Variants in GRM8 observed in about 807,000 individuals in gnomAD.
GRM8 encodes glutamate metabotropic receptor 8, also known as metabotropic glutamate receptor 8.
Under a neutral mutation model 87.2 loss-of-function variants are expected in GRM8, and 47 were observed. The observed-to-expected ratio is 0.54, with a 90% CI of 0.43 to 0.69. The LOEUF is 0.69. Among genes scored for constraint, GRM8 ranks in the 30% least tolerant of loss-of-function variants. The probability of loss-of-function intolerance (pLI) is 0.00; values close to 1 mark genes in which losing one functional copy is unlikely to be tolerated. For synonymous variants in GRM8, 396 were observed against 404.5 expected (o/e 0.98, Z 0.25); for missense variants, 1,019 against 1,139.2 (o/e 0.89, Z 1.52).
At chr7:127,018,723 AC>A (rs1448508695) in intron 3 of GRM8, among the ~76,000 whole-genome samples, 1 of 151,946 alleles carries the variant, frequency 6.6e-6, no homozygotes, top group Non-Finnish European at 1.5e-5. Flanking sequence ...CAATGGTAAC[AC>A]AGCCCCTTTC....
chr7:126,603,995 TA>T (rs3216287), intron 8 of GRM8, among the ~76,000 whole-genome samples: 46,769 of 150,436 alleles, frequency 0.31, 8,092 homozygotes, highest in East Asian at 0.43. Flanking sequence ...ATTTTTGCAT[TA>T]AAAAAAAACA....
chr7:126,682,788 C>T (rs969143643), intron 7 of GRM8, among the ~76,000 whole-genome samples: 4 of 152,190 alleles, frequency 2.6e-5, no homozygotes, highest in South Asian at 4.1e-4. Flanking sequence ...CGGTGGCTCA[C>T]GCCTGTAATC....
intron 7 of GRM8, among the ~76,000 whole-genome samples, chr7:126,636,631 G>A (rs1229190882): frequency 1.3e-5 from 2 of 151,862 alleles, no homozygotes; most frequent in Non-Finnish European, 2.9e-5. Context: ...CCTTTTATCT[G>A]AAGGAAAAAC....
chr7:126,756,856 T>G (rs1444897186), intron 7 of GRM8, among the ~76,000 whole-genome samples: 1 of 152,058 alleles, frequency 6.6e-6, no homozygotes, highest in Non-Finnish European at 1.5e-5. Flanking sequence ...TCAATTTTGC[T>G]GTGAGATTAA....
intron 2 of GRM8, among the ~76,000 whole-genome samples, chr7:127,110,488 ATT>A (rs1042021182): frequency 6.6e-6 from 1 of 151,674 alleles, no homozygotes; most frequent in African/African-American, 2.4e-5. Context: ...TTCATTTCTT[ATT>A]TTCTTTGTGC....
chr7:127,236,675 A>G (rs1465789860), intron 2 of GRM8, among the ~76,000 whole-genome samples: 1 of 152,252 alleles, frequency 6.6e-6, no homozygotes, highest in Admixed American at 6.5e-5. Flanking sequence ...GTGGGGACAC[A>G]AAGCCTAAAC....
At chr7:126,550,052 A>T (rs1422259003) in intron 8 of GRM8, among the ~76,000 whole-genome samples, 2 of 152,056 alleles carry the variant, frequency 1.3e-5, no homozygotes, top group East Asian at 3.9e-4. Flanking sequence ...ATAAAAAAAA[A>T]ACTGTTAGAA....
intron 7 of GRM8, among the ~76,000 whole-genome samples, chr7:126,655,713 T>C (rs992037322): frequency 1.3e-5 from 2 of 152,226 alleles, no homozygotes; most frequent in Non-Finnish European, 2.9e-5. Context: ...ATTTATCAAA[T>C]AATGTCCAAA....
chr7:126,530,249 G>C (rs992937772), intron 9 of GRM8, among the ~76,000 whole-genome samples: 2 of 152,166 alleles, frequency 1.3e-5, no homozygotes, highest in Non-Finnish European at 2.9e-5. Flanking sequence ...ATTCTCTGAC[G>C]TTATTCTGAG....
At chr7:127,182,815 A>G (rs1306086872) in intron 2 of GRM8, among the ~76,000 whole-genome samples, 1 of 151,914 alleles carries the variant, frequency 6.6e-6, no homozygotes, top group East Asian at 1.9e-4. Flanking sequence ...CAAACACCAT[A>G]TGTTCTAACT....
intron 8 of GRM8, 145 bp from the exon 9 acceptor site, chr7:126,534,032 A>G (rs906931763): frequency 4.7e-6 from 3 of 635,522 alleles, no homozygotes; most frequent in Non-Finnish European, 8.1e-6. Flanking sequence ...TTTTCCCCTG[A>G]TATTGACTTT....
intron 7 of GRM8, among the ~76,000 whole-genome samples, chr7:126,644,628 G>A (rs909256888): frequency 1.3e-5 from 2 of 152,164 alleles, no homozygotes; most frequent in Admixed American, 1.3e-4. Context: ...TGTATATACA[G>A]TGCAAGTATT....
chr7:127,152,970 T>A (rs1158058654), intron 2 of GRM8, among the ~76,000 whole-genome samples: 2 of 152,162 alleles, frequency 1.3e-5, no homozygotes, highest in African/African-American at 4.8e-5. Context: ...AATCACAAAA[T>A]TCTTACAGCT....
intron 3 of GRM8, among the ~76,000 whole-genome samples, chr7:127,103,399 A>G (rs1374193925): frequency 1.3e-5 from 2 of 152,118 alleles, no homozygotes; most frequent in Non-Finnish European, 2.9e-5. Context: ...GTTCATTTAA[A>G]AGTGTGTTGC....
intron 3 of GRM8, among the ~76,000 whole-genome samples, chr7:126,935,202 T>C (rs980788772): frequency 5.3e-5 from 8 of 152,054 alleles, no homozygotes; most frequent in African/African-American, 1.9e-4. Context: ...AAACAAAGCA[T>C]GAAACTACAG....
At chr7:127,101,788 A>T (rs1240722493) in intron 3 of GRM8, among the ~76,000 whole-genome samples, 1 of 152,214 alleles carries the variant, frequency 6.6e-6, no homozygotes, top group Admixed American at 6.5e-5. Flanking sequence ...TGCTATAAAG[A>T]TACCTGAAAA....
At chr7:127,190,983 A>G (rs2116483406) in intron 2 of GRM8, among the ~76,000 whole-genome samples, 1 of 152,328 alleles carries the variant, frequency 6.6e-6, no homozygotes, top group East Asian at 1.9e-4. Context: ...TGACAACAGT[A>G]CATTTTTCCA....
intron 7 of GRM8, among the ~76,000 whole-genome samples, chr7:126,740,568 A>C (rs1814837100): frequency 6.6e-6 from 1 of 152,160 alleles, no homozygotes; most frequent in South Asian, 2.1e-4. Context: ...GGTGGTCCCA[A>C]GTCACAAATT....
chr7:126,534,530 TG>T (rs532175567), intron 8 of GRM8, among the ~76,000 whole-genome samples: 147 of 152,234 alleles, frequency 9.7e-4, no homozygotes, highest in African/African-American at 3.3e-3. Flanking sequence ...TTGATGGTAA[TG>T]TTTTTTTTAC....
Sources: gnomAD v4.1 joint callset for allele counts (sites outside exome capture counted in the v4.1 genomes callset) on GRCh38, gnomAD v4.1.1 for gene constraint, MANE v1.5 for transcripts, NCBI Gene and HGNC (gene_info 2026-07-23, HGNC 2026-07-21) for gene names.